The following SLC67A1 variants were observed in gnomAD, a reference collection of about 807,000 sequenced individuals.
SLC67A1 encodes the protein solute carrier family 67 member A1.
chr11:2,908,194 T>C, the SLC67A1 span: 1 of 1,451,316 alleles, frequency 6.9e-7, no homozygotes, highest in Non-Finnish European at 9.7e-7. Flanking sequence ...CCCTGCAGTC[T>C]TTCCCAGCCC....
At chr11:2,909,669 C>T in the SLC67A1 span, 25 of 1,541,054 alleles carry the variant, frequency 1.6e-5, no homozygotes, top group Middle Eastern at 1.7e-4. Context: ...TCGGAGTCAT[C>T]CTCGGCTCCC....
the SLC67A1 span, chr11:2,909,894 G>T: frequency 3.3e-6 from 2 of 613,464 alleles, no homozygotes; most frequent in Non-Finnish European, 5.3e-6. Context: ...GGGCTGGCTG[G>T]CCCTGGATAG....
At chr11:2,921,823 C>T in the SLC67A1 span, 8 of 441,446 alleles carry the variant, frequency 1.8e-5, no homozygotes, top group African/African-American at 6.0e-5. Context: ...CCTGTCCCAC[C>T]GAGCCCATCC....
the SLC67A1 span, among the ~76,000 whole-genome samples, chr11:2,918,469 C>T: frequency 6.6e-6 from 1 of 152,364 alleles, no homozygotes; most frequent in African/African-American, 2.4e-5. Flanking sequence ...GCCCTCTCAG[C>T]AGACCGTAGG....
At chr11:2,909,757 G>A in the SLC67A1 span, 1 of 1,408,482 alleles carries the variant, frequency 7.1e-7, no homozygotes, top group Non-Finnish European at 9.2e-7. Context: ...GGACGCCCGC[G>A]GCTGGGTCGG....
At chr11:2,910,631 A>G in the SLC67A1 span, among the ~76,000 whole-genome samples, 2 of 152,106 alleles carry the variant, frequency 1.3e-5, no homozygotes, top group African/African-American at 4.8e-5. Flanking sequence ...GGAGACCGGT[A>G]GGACAGCCAT....
chr11:2,909,432 G>C, the SLC67A1 span: 3 of 1,453,704 alleles, frequency 2.1e-6, no homozygotes, highest in African/African-American at 1.5e-5. Context: ...CACCTCCAGG[G>C]AGGTCTGCGT....
At chr11:2,900,545 T>A in the SLC67A1 span, among the ~76,000 whole-genome samples, 4 of 151,526 alleles carry the variant, frequency 2.6e-5, no homozygotes, top group African/African-American at 9.7e-5. Context: ...TACAAAAAAA[T>A]TAGCGGGGGC....
chr11:2,902,607 G>A, the SLC67A1 span: 8 of 985,522 alleles, frequency 8.1e-6, no homozygotes, highest in Non-Finnish European at 9.6e-6. Context: ...TGTGCAGTCA[G>A]CTGTTAATGT....
the SLC67A1 span, among the ~76,000 whole-genome samples, chr11:2,901,977 A>G: frequency 6.6e-6 from 1 of 151,840 alleles, no homozygotes; most frequent in Non-Finnish European, 1.5e-5. Context: ...GCCCCTCCTC[A>G]GGCCCAAAGT....
the SLC67A1 span, among the ~76,000 whole-genome samples, chr11:2,910,198 C>T: frequency 3.7e-4 from 56 of 152,230 alleles, 1 homozygote; most frequent in African/African-American, 1.2e-3. Context: ...GGGCTGGGGA[C>T]TGATGGCTGC....
At chr11:2,900,489 C>A in the SLC67A1 span, among the ~76,000 whole-genome samples, 1 of 151,796 alleles carries the variant, frequency 6.6e-6, no homozygotes, top group African/African-American at 2.4e-5. Flanking sequence ...GTCAGGAGAT[C>A]GAGACCATCC....
chr11:2,906,089 CCTT>C, the SLC67A1 span, among the ~76,000 whole-genome samples: 20 of 152,306 alleles, frequency 1.3e-4, no homozygotes, highest in East Asian at 3.7e-3. Context: ...CAAAAGAAGA[CCTT>C]TATGCAGCCA....
At chr11:2,919,589 G>A in the SLC67A1 span, 66 of 590,816 alleles carry the variant, frequency 1.1e-4, no homozygotes, top group Non-Finnish European at 1.9e-4. Flanking sequence ...CTGCAGTGGT[G>A]GGCACGCTGT....
chr11:2,915,786 CTG>C, the SLC67A1 span, among the ~76,000 whole-genome samples: 1 of 152,238 alleles, frequency 6.6e-6, no homozygotes, highest in African/African-American at 2.4e-5. Context: ...CAACTTCCTC[CTG>C]TCTCTCCCTG....
chr11:2,916,692 C>T, the SLC67A1 span: 1 of 1,613,172 alleles, frequency 6.2e-7, no homozygotes, highest in Non-Finnish European at 8.5e-7. Context: ...CACCTGCATC[C>T]CCGCCAGCAC....
the SLC67A1 span, among the ~76,000 whole-genome samples, chr11:2,907,702 A>G: frequency 2.6e-5 from 4 of 152,232 alleles, no homozygotes; most frequent in African/African-American, 9.6e-5. The surrounding 1 kb of genome is among the most constrained non-coding windows in gnomAD (Gnocchi z 6.7). Flanking sequence ...GAGCGGCTGC[A>G]GGGGGACCAA....
At chr11:2,918,506 G>A in the SLC67A1 span, among the ~76,000 whole-genome samples, 679 of 152,316 alleles carry the variant, frequency 4.5e-3, 3 homozygotes, top group African/African-American at 0.015. Context: ...ATAGGATAGC[G>A]AGCCACGGAC....
chr11:2,910,713 A>G, the SLC67A1 span, among the ~76,000 whole-genome samples: 1,141 of 151,952 alleles, frequency 7.5e-3, 10 homozygotes, highest in Middle Eastern at 0.024. Flanking sequence ...CAGAGGGTAG[A>G]TTCTGGCTGG....
Sources: gnomAD v4.1 joint callset for allele counts (sites outside exome capture counted in the v4.1 genomes callset) on GRCh38, gnomAD v4.1.1 for gene constraint, Gnocchi (gnomAD v3.1) non-coding constraint, MANE v1.5 for transcripts, NCBI Gene and HGNC (gene_info 2026-07-23, HGNC 2026-07-21) for gene names.